Variants in PPP1R12B observed in about 807,000 individuals in gnomAD.
The protein encoded by PPP1R12B is myosin phosphatase target subunit 2.
A neutral mutation model predicts 126.1 loss-of-function variants in PPP1R12B; 76 were observed. That is an observed-to-expected ratio of 0.60 (90% CI 0.50 to 0.73). The LOEUF (loss-of-function observed/expected upper bound fraction) is 0.73. Among genes scored for constraint, PPP1R12B ranks in the 30% least tolerant of loss-of-function variants. PPP1R12B has a pLI of 0.00. For missense variants in PPP1R12B, 1,052 were observed against 1,205.1 expected (o/e 0.87, Z 1.88); for synonymous variants, 356 against 434.7 (o/e 0.82, Z 2.25).
intron 18 of PPP1R12B, among the ~76,000 whole-genome samples, chr1:202,558,233 AC>A (rs1207588358): frequency 6.6e-6 from 1 of 151,920 alleles, no homozygotes; most frequent in African/African-American, 2.4e-5. Flanking sequence ...TGATTTGTTT[AC>A]AATGACCAAG....
chr1:202,576,305 A>G (rs1163248335), intron 23 of PPP1R12B: 1 of 152,212 alleles, frequency 6.6e-6, no homozygotes, highest in African/African-American at 2.4e-5. Flanking sequence ...CTATCTCAAG[A>G]TGGTATGATG....
At chr1:202,429,283 T>C (rs532134492) in intron 6 of PPP1R12B, among the ~76,000 whole-genome samples, 2 of 152,338 alleles carry the variant, frequency 1.3e-5, no homozygotes, top group South Asian at 4.1e-4. Context: ...ACCTCATAGC[T>C]TTTCTTTTTC....
intron 12 of PPP1R12B, among the ~76,000 whole-genome samples, chr1:202,444,199 T>C (rs946383518): frequency 2.6e-5 from 4 of 152,200 alleles, no homozygotes; most frequent in Non-Finnish European, 4.4e-5. Context: ...GAATGAGAGT[T>C]CATCTCTTGT....
At chr1:202,558,672 A>G in intron 18 of PPP1R12B, 2 of 505,640 alleles carry the variant, frequency 4.0e-6, no homozygotes, top group Non-Finnish European at 7.0e-6. Flanking sequence ...TGGCATGCAA[A>G]GAAGTGTGAA....
intron 18 of PPP1R12B, among the ~76,000 whole-genome samples, chr1:202,517,658 C>T (rs2148908090): frequency 6.6e-6 from 1 of 150,928 alleles, no homozygotes; most frequent in South Asian, 2.1e-4. Flanking sequence ...CAGAGTCTTG[C>T]TCTGCCACCC....
chr1:202,540,040 A>G (rs1433745870), intron 18 of PPP1R12B: 28 of 1,409,792 alleles, frequency 2.0e-5, no homozygotes, highest in Non-Finnish European at 2.4e-5. Flanking sequence ...TCTTGCATCA[A>G]CTCAAAAGGA....
chr1:202,380,359 G>A (rs78605982), intron 1 of PPP1R12B, among the ~76,000 whole-genome samples: 6,480 of 152,180 alleles, frequency 0.043, 381 homozygotes, highest in African/African-American at 0.13. Context: ...AGGTGAAGGA[G>A]TTTCATTATT....
intron 13 of PPP1R12B, among the ~76,000 whole-genome samples, chr1:202,474,673 T>G (rs978516549): frequency 2.0e-5 from 3 of 152,176 alleles, no homozygotes; most frequent in African/African-American, 7.2e-5. Flanking sequence ...ATATTGTCTT[T>G]TAATTGGATT....
In PPP1R12B at chr1:202,392,110, C is replaced by T. The variant is rs1223162195; in HGVS notation, c.292-24677C>T. 1.0e-4 allele frequency among the ~76,000 whole-genome samples: 15 copies of T among 146,564 alleles called. No homozygotes were observed. In the East Asian group the frequency reaches 2.6e-3, roughly 26 times the overall value. ...GATAAATGAATTATCTTCAGGTGTA[C>T]TGAAGATAAATGAATTATCTTCAGG... On this transcript the variant is annotated intron_variant, in intron 1 of 23. Transcript: ENST00000608999.
At chr1:202,483,174 G>A (rs1677628817) in intron 13 of PPP1R12B, among the ~76,000 whole-genome samples, 1 of 150,904 alleles carries the variant, frequency 6.6e-6, no homozygotes, top group Non-Finnish European at 1.5e-5. Context: ...AAGTTATGTA[G>A]TGTGATGCTT....
intron 13 of PPP1R12B, among the ~76,000 whole-genome samples, chr1:202,485,800 GA>G (rs957720228): frequency 6.6e-6 from 1 of 151,996 alleles, no homozygotes; most frequent in Non-Finnish European, 1.5e-5. Context: ...CCTTTTTGTG[GA>G]GAGGATGGGC....
intron 1 of PPP1R12B, among the ~76,000 whole-genome samples, chr1:202,350,319 T>A (rs1655707142): frequency 6.6e-6 from 1 of 152,230 alleles, no homozygotes; most frequent in Admixed American, 6.5e-5. Context: ...CTGTTTGATT[T>A]CATATGTCTT....
At chr1:202,390,021 C>T (rs2148518966) in intron 1 of PPP1R12B, among the ~76,000 whole-genome samples, 1 of 151,902 alleles carries the variant, frequency 6.6e-6, no homozygotes, top group East Asian at 1.9e-4. Flanking sequence ...AAGACTCACA[C>T]TTCCTGATTT....
intron 18 of PPP1R12B, among the ~76,000 whole-genome samples, chr1:202,524,324 A>G (rs1169159436): frequency 6.6e-6 from 1 of 152,212 alleles, no homozygotes; most frequent in Non-Finnish European, 1.5e-5. Context: ...GTAGGCTACA[A>G]ATGAAGCAGG....
chr1:202,587,405 C>T lies in PPP1R12B; in HGVS notation c.*6845C>T, dbSNP rs917125357. ...AGCTCCTCGGCTATGCTAATGTCCC[C>T]TCAGAGATGAGGTTTGACTTTTAGG... is the stretch of plus-strand genomic sequence containing the variant. On this transcript the variant is annotated 3_prime_UTR_variant, in exon 24 of 24. Coordinates refer to ENST00000608999, the MANE Select transcript of PPP1R12B (RefSeq NM_002481.4). 3 of 152,228 alleles carry T rather than the reference C, an allele frequency of 2.0e-5. No homozygotes were observed. The highest frequency in any genetic ancestry group is 6.5e-5 in the Admixed American group (1 of 15,290). 9.4% of individuals were successfully genotyped at this position (152,228 alleles called of 1,614,324 possible).
chr1:202,592,542 G>C lies in PPP1R12B; in HGVS notation c.*11982G>C, dbSNP rs1350610211. The stretch of plus-strand genomic sequence containing the variant: ...GCTATTTACAGAAAGTTATAGACAT[G>C]CATCTTGATTAAACAAGATTCTGTT... On this transcript the variant is annotated 3_prime_UTR_variant, in exon 24 of 24. Coordinates refer to ENST00000608999, the MANE Select transcript of PPP1R12B (RefSeq NM_002481.4). The C allele has an allele frequency of 2.6e-5, 4 of 152,236 alleles. No individual in the cohort carries two copies. Among genetic ancestry groups the C allele is most frequent in the African/African-American group, 9.7e-5 (4 of 41,450 alleles). 9.4% of individuals were successfully genotyped at this position (152,236 alleles called of 1,614,324 possible).
intron 14 of PPP1R12B, among the ~76,000 whole-genome samples, chr1:202,490,352 ACT>A (rs1678696977): frequency 6.6e-6 from 1 of 151,058 alleles, no homozygotes; most frequent in African/African-American, 2.4e-5. Flanking sequence ...GTCTTCTTTG[ACT>A]CTCCCAAAGT....
chr1:202,414,569 T>A (rs1667821198), intron 1 of PPP1R12B, among the ~76,000 whole-genome samples: 1 of 152,220 alleles, frequency 6.6e-6, no homozygotes, highest in South Asian at 2.1e-4. Flanking sequence ...GTGGTAGCTG[T>A]TTCCAGAATT....
At chr1:202,475,323 T>G (rs1676489360) in intron 13 of PPP1R12B, among the ~76,000 whole-genome samples, 1 of 152,208 alleles carries the variant, frequency 6.6e-6, no homozygotes, top group Non-Finnish European at 1.5e-5. Flanking sequence ...CATGGCAGTC[T>G]TATAGCATGT....
Sources: gnomAD v4.1 joint callset for allele counts (sites outside exome capture counted in the v4.1 genomes callset) on GRCh38, gnomAD v4.1.1 for gene constraint, MANE v1.5 for transcripts, NCBI Gene and HGNC (gene_info 2026-07-23, HGNC 2026-07-21) for gene names.